The following NUCKS1 variants were observed in gnomAD, a reference collection of about 807,000 sequenced individuals.
The protein encoded by NUCKS1 is nuclear casein kinase and cyclin dependent kinase substrate 1, also known as nuclear ubiquitous casein and cyclin-dependent kinase substrate 1.
A neutral mutation model predicts 33.0 loss-of-function variants in NUCKS1; 2 were observed. The observed-to-expected ratio is 0.06, with a 90% CI of 0.02 to 0.19. NUCKS1 has a LOEUF of 0.19. Among genes scored for constraint, NUCKS1 ranks in the 10% least tolerant of loss-of-function variants. NUCKS1 has a pLI of 1.00. For synonymous variants in NUCKS1, 106 were observed against 102.8 expected (o/e 1.03, Z -0.19); for missense variants, 201 against 293.6 (o/e 0.68, Z 2.31).
rs749641215 is a variant in NUCKS1, at chr1:205,719,685, AAAG to A, written c.383-12_383-10del. 7 of 1,603,192 alleles carry A rather than the reference AAAG, an allele frequency of 4.4e-6. No individual in the cohort carries two copies. The South Asian group carries it at 5.7e-5, about 13-fold the overall frequency. Reference sequence around the variant, plus strand: ...ATCGCTGCCGGAATCTTCTGAGAAGAAAGAAGAATTTCAACATCTAACTTAATG... The same window carrying A: ...ATCGCTGCCGGAATCTTCTGAGAAGAAAGAATTTCAACATCTAACTTAATG... On this transcript the variant is annotated splice_polypyrimidine_tract_variant and intron_variant, in intron 5 of 6. Transcript: ENST00000367142.
intron 3 of NUCKS1, among the ~76,000 whole-genome samples, chr1:205,726,298 T>C (rs114715101): frequency 1.3e-5 from 2 of 152,340 alleles, no homozygotes; most frequent in South Asian, 4.1e-4. Flanking sequence ...GGAGGATCGC[T>C]TGAGCCCAGG....
intron 1 of NUCKS1, among the ~76,000 whole-genome samples, chr1:205,744,630 G>GTTTTTTTTTTTTTTTT (rs10672842): frequency 2.3e-5 from 2 of 87,764 alleles, no homozygotes; most frequent in Non-Finnish European, 4.0e-5. Context: ...GTTCACTAGA[G>GTTTTTTTTTTTTTTTT]TTTTTTTTTT....
intron 1 of NUCKS1, among the ~76,000 whole-genome samples, chr1:205,746,451 T>A (rs61824678): frequency 0.62 from 71,889 of 115,068 alleles, 18,962 homozygotes; most frequent in Non-Finnish European, 0.7. Flanking sequence ...TCTCTCTCTC[T>A]CTCACACACA....
chr1:205,719,519 G>T lies in NUCKS1; in HGVS notation c.532+8C>A, dbSNP rs772250033. 6.3e-7 allele frequency: 1 copy of T among 1,581,858 alleles called. No homozygotes were observed. The highest frequency in any genetic ancestry group is 2.0e-5 in the Admixed American group (1 of 50,890). On this transcript the variant is annotated splice_region_variant and intron_variant, in intron 6 of 6. Transcript: ENST00000367142. ...CAGTAAATTTAATTTCACTTCTGCA[G>T]AAATTACCTGTAGCCTTTAGTCTGG...
Position 205,729,575 on chromosome 1 carries a change from C to T in NUCKS1, c.64G>A (p.Ala22Thr), listed in dbSNP as rs753131897. 2.5e-6 allele frequency: 4 copies of T among 1,612,126 alleles called. No individual in the cohort carries two copies. The highest frequency in any genetic ancestry group is 3.4e-6 in the Non-Finnish European group (4 of 1,178,224). ...DYSQFQESDD[A>T]DEDYGRDSGP... is the part of the protein sequence containing the mutation. ...TTGTTGAAACCACAAAACTTACCTG[C>T]ATCATCAGATTCCTGAAACTGTGAG... The change falls in exon 2 of 7, where the codon GCA becomes ACA. Residue 22 changes from alanine (A) to threonine (T), a missense_variant. Transcript: ENST00000367142.
At chr1:205,728,113 G>A (rs1041093929) in intron 2 of NUCKS1, among the ~76,000 whole-genome samples, 1 of 151,486 alleles carries the variant, frequency 6.6e-6, no homozygotes, top group African/African-American at 2.4e-5. Context: ...GAAAATTATT[G>A]TAATATGGTT....
intron 1 of NUCKS1, among the ~76,000 whole-genome samples, chr1:205,744,432 A>G (rs1300389539): frequency 1.3e-5 from 2 of 152,148 alleles, no homozygotes; most frequent in Admixed American, 6.5e-5. Flanking sequence ...TTGCTCAGTA[A>G]TTGCTAATTC....
At chr1:205,735,753 A>T (rs1048740395) in intron 1 of NUCKS1, among the ~76,000 whole-genome samples, 4 of 152,246 alleles carry the variant, frequency 2.6e-5, no homozygotes, top group African/African-American at 9.6e-5. Flanking sequence ...AGCTATTATT[A>T]CTTATAAGTA....
intron 1 of NUCKS1, among the ~76,000 whole-genome samples, chr1:205,749,568 A>G (rs1202945920): frequency 6.6e-6 from 1 of 151,418 alleles, no homozygotes; most frequent in East Asian, 2.0e-4. Context: ...GTGGAGCTCG[A>G]GTCCGCCCGC....
intron 1 of NUCKS1, among the ~76,000 whole-genome samples, chr1:205,736,528 G>A (rs1031449900): frequency 1.8e-4 from 27 of 151,866 alleles, no homozygotes; most frequent in African/African-American, 6.5e-4. Context: ...CCTATGCTAA[G>A]AAAATTCCAG....
intron 3 of NUCKS1, 46 bp downstream of exon 3, chr1:205,727,654 A>G (rs1653812512): frequency 7.9e-7 from 1 of 1,259,812 alleles, no homozygotes; most frequent in Non-Finnish European, 1.2e-6. Context: ...CTCTCATCTC[A>G]GAGTGGTAAC....
Position 205,718,215 on chromosome 1 carries a change from T to C in NUCKS1, c.*65A>G. 6.6e-7 allele frequency: 1 copy of C among 1,506,116 alleles called. No homozygotes were observed. Among genetic ancestry groups the C allele is most frequent in the East Asian group, 2.3e-5 (1 of 43,110 alleles). The allele number at this position is 1,506,116 out of a possible 1,614,324, so 93.3% of individuals were successfully genotyped here. On this transcript the variant is annotated 3_prime_UTR_variant, in exon 7 of 7. Coordinates refer to ENST00000367142, the MANE Select transcript of NUCKS1 (RefSeq NM_022731.5). ...ATCTTAAGTAGGTTCTTTTTTTTCC[T>C]CCCTCTTTTTTCTTTTTTTTTCTTT...
chr1:205,730,305 C>T (rs1653876739), intron 1 of NUCKS1, among the ~76,000 whole-genome samples: 1 of 152,002 alleles, frequency 6.6e-6, no homozygotes, highest in African/African-American at 2.4e-5. Context: ...CCTCAGCCTC[C>T]CGAAGTGCTG....
chr1:205,739,709 C>A (rs139048476), intron 1 of NUCKS1, among the ~76,000 whole-genome samples: 2 of 152,160 alleles, frequency 1.3e-5, no homozygotes, highest in Non-Finnish European at 2.9e-5. Flanking sequence ...TCTGCCTCAG[C>A]CTCTTAAGTA....
rs188916335 is a variant in NUCKS1 at position 205,719,669 on chromosome 1, G to A, written c.390C>T (p.Ser130=). 4.0e-5 allele frequency: 65 copies of A among 1,606,662 alleles called. No individual in the cohort carries two copies. The highest frequency in any genetic ancestry group is 3.4e-4 in the Admixed American group (20 of 58,206). ...EDEAPFQEKD[S]GSDEDFLMED... Reference sequence around the variant, plus strand: ...CCATTAGGAAATCTTCATCGCTGCCGGAATCTTCTGAGAAGAAAGAAGAAT... The same window carrying A: ...CCATTAGGAAATCTTCATCGCTGCCAGAATCTTCTGAGAAGAAAGAAGAAT... Residue 130 remains serine (S), a synonymous_variant, in exon 6 of 7, where the codon TCC becomes TCT. Transcript: ENST00000367142.
chr1:205,723,923 T>C lies in NUCKS1; in HGVS notation c.229+3A>G. 1.9e-6 allele frequency: 3 copies of C among 1,590,640 alleles called. No homozygotes were observed. The highest frequency in any genetic ancestry group is 2.6e-6 in the Non-Finnish European group (3 of 1,159,436). Reference sequence around the variant, plus strand: ...ACCTCTTACATTTAAAATAGTTTACTACCTGCTGAGTGAGAATCATCCTTC... The same window carrying C: ...ACCTCTTACATTTAAAATAGTTTACCACCTGCTGAGTGAGAATCATCCTTC... On this transcript the variant is annotated splice_donor_region_variant and intron_variant, in intron 4 of 6. Coordinates refer to ENST00000367142, the MANE Select transcript of NUCKS1 (RefSeq NM_022731.5).
At position 205,717,511 on chromosome 1, in the gene NUCKS1, T is replaced by A. The variant is rs1470981679; in HGVS notation, c.*769A>T. The stretch of plus-strand genomic sequence containing the variant: ...GCAGCCCCTGCTTTTTTTTTTTTTT[T>A]AGCTCCCTAAAGACTGTAGCAGGAT... On this transcript the variant is annotated 3_prime_UTR_variant, in exon 7 of 7. Coordinates refer to ENST00000367142, the MANE Select transcript of NUCKS1 (RefSeq NM_022731.5). 18 of 963,388 alleles carry A rather than the reference T, an allele frequency of 1.9e-5. No individual in the cohort carries two copies. The highest frequency in any genetic ancestry group is 2.2e-5 in the Non-Finnish European group (18 of 810,802). The allele number at this position is 963,388 out of a possible 1,614,324, so 59.7% of individuals were successfully genotyped here.
Position 205,750,018 on chromosome 1 carries a change from A to ACCCCCCCCCCCCCCCCCCCCCCCCCC in NUCKS1, c.-46_-45insGGGGGGGGGGGGGGGGGGGGGGGGGG. On this transcript the variant is annotated 5_prime_UTR_variant, in exon 1 of 7. Coordinates refer to ENST00000367142, the MANE Select transcript of NUCKS1 (RefSeq NM_022731.5). The stretch of plus-strand genomic sequence containing the variant: ...CCGAGTCGAGAAGCCAAAGACCAGG[A>ACCCCCCCCCCCCCCCCCCCCCCCCCC]CCCCCCCCACCCCGCGCGCTCGGCG... 1.0e-6 allele frequency: 1 copy of ACCCCCCCCCCCCCCCCCCCCCCCCCC among 964,084 alleles called. No homozygotes were observed. Among genetic ancestry groups the ACCCCCCCCCCCCCCCCCCCCCCCCCC allele is most frequent in the South Asian group, 1.4e-5 (1 of 72,904 alleles). 59.7% of individuals were successfully genotyped at this position (964,084 alleles called of 1,614,324 possible). A position where few individuals can be genotyped will look rare whatever the true frequency, so the allele number is the denominator to read the frequency against.
At chr1:205,736,293 A>G (rs2102442464) in intron 1 of NUCKS1, among the ~76,000 whole-genome samples, 1 of 152,232 alleles carries the variant, frequency 6.6e-6, no homozygotes, top group South Asian at 2.1e-4. Flanking sequence ...AGTTCAGGTT[A>G]CCATTTAGAT....
Sources: allele counts gnomAD v4.1 joint callset (sites outside exome capture counted in the v4.1 genomes callset), GRCh38; gene constraint gnomAD v4.1.1; transcripts MANE v1.5; gene names NCBI Gene and HGNC (gene_info 2026-07-23, HGNC 2026-07-21).